Variants in PTPRD observed in about 807,000 individuals in gnomAD.
PTPRD encodes the protein receptor-type tyrosine-protein phosphatase delta.
PTPRD carries 34 observed loss-of-function variants against 214.5 expected under a neutral mutation model. The ratio of observed to expected loss-of-function variants is 0.16; its 90% CI spans 0.12 to 0.21. The LOEUF is 0.21. Ranked by LOEUF, PTPRD falls within the 10% of genes least tolerant of loss-of-function variation. The probability of loss-of-function intolerance (pLI) is 1.00; values close to 1 mark genes in which losing one functional copy is unlikely to be tolerated. For missense variants in PTPRD, 2,545 were observed against 2,398.7 expected (o/e 1.06, Z -1.27); for synonymous variants, 1,128 against 845.7 (o/e 1.33, Z -5.79).
chr9:9,265,424 T>C (rs1430807916), intron 9 of PTPRD, among the ~76,000 whole-genome samples: 3 of 151,504 alleles, frequency 2.0e-5, no homozygotes, highest in Admixed American at 6.6e-5. Context: ...TAGCGTTTTT[T>C]TGTTTTTGTT....
chr9:10,546,127 T>TA (rs1226896988), intron 2 of PTPRD, among the ~76,000 whole-genome samples: 2 of 152,094 alleles, frequency 1.3e-5, no homozygotes, highest in African/African-American at 4.8e-5. Context: ...ATTACTCTAT[T>TA]AGTGAGGGAT....
intron 11 of PTPRD, among the ~76,000 whole-genome samples, chr9:9,000,522 T>G (rs1446992137): frequency 6.6e-6 from 1 of 152,020 alleles, no homozygotes; most frequent in African/African-American, 2.4e-5. Flanking sequence ...TTTAAAAAAC[T>G]TGGCCTCTGC....
At chr9:8,636,912 T>G (rs981769135) in intron 12 of PTPRD, 68 bp from the exon 13 acceptor site, 1 of 1,511,164 alleles carries the variant, frequency 6.6e-7, no homozygotes, top group Non-Finnish European at 9.1e-7. Flanking sequence ...CTACTACCGC[T>G]GCTCTCCCCA....
intron 11 of PTPRD, among the ~76,000 whole-genome samples, chr9:8,740,832 T>C (rs774371587): frequency 1.3e-5 from 2 of 152,202 alleles, no homozygotes; most frequent in Non-Finnish European, 2.9e-5. Flanking sequence ...GCTTAGGCTA[T>C]GACTTAATAT....
rs77147281 is a variant in PTPRD, at chr9:9,536,452, G to A, written c.-237+38280C>T. On this transcript the variant is annotated intron_variant, in intron 8 of 45. Coordinates refer to ENST00000381196, the MANE Select transcript of PTPRD (RefSeq NM_002839.4). Reference sequence around the variant, plus strand: ...ATTATTTGCCTAAGAAACAGCATTTGGATGGCATGAATCTAATGGAATCAG... The same window carrying A: ...ATTATTTGCCTAAGAAACAGCATTTAGATGGCATGAATCTAATGGAATCAG... Among the ~76,000 whole-genome samples, 1,262 of 152,084 alleles carry A rather than the reference G, an allele frequency of 8.3e-3. 21 individuals are homozygous for A. Among genetic ancestry groups the A allele is most frequent in the African/African-American group, 0.028 (1,180 of 41,498 alleles).
At chr9:9,907,918 T>C (rs2078062442) in intron 5 of PTPRD, among the ~76,000 whole-genome samples, 1 of 151,990 alleles carries the variant, frequency 6.6e-6, no homozygotes, top group Non-Finnish European at 1.5e-5. Flanking sequence ...GGAAAACAGG[T>C]GTAACAACTC....
chr9:8,674,269 C>T (rs954712999), intron 12 of PTPRD, among the ~76,000 whole-genome samples: 1 of 151,902 alleles, frequency 6.6e-6, no homozygotes, highest in East Asian at 1.9e-4. Flanking sequence ...ACCATCCTGG[C>T]CAACATGGTG....
chr9:9,380,481 T>G (rs952676144), intron 9 of PTPRD, among the ~76,000 whole-genome samples: 11 of 152,148 alleles, frequency 7.2e-5, no homozygotes, highest in African/African-American at 2.7e-4. Context: ...GATCTCCTCA[T>G]ATTTTAGAAT....
At chr9:8,638,103 C>CTTTTTTTTTTTT (rs963311950) in intron 12 of PTPRD, among the ~76,000 whole-genome samples, 4 of 127,030 alleles carry the variant, frequency 3.1e-5, no homozygotes, top group African/African-American at 1.2e-4. Context: ...GCTGTTCCTT[C>CTTTTTTTTTTTT]TTTTTTTTTT....
intron 4 of PTPRD, among the ~76,000 whole-genome samples, chr9:9,990,071 CT>C (rs199744463): frequency 6.6e-6 from 1 of 152,186 alleles, no homozygotes; most frequent in East Asian, 1.9e-4. Flanking sequence ...GGACTTTCCT[CT>C]GAGCTATGCC....
chr9:9,241,824 G>T (rs2099970505), intron 9 of PTPRD, among the ~76,000 whole-genome samples: 1 of 151,554 alleles, frequency 6.6e-6, no homozygotes. Context: ...TCTTTTAATT[G>T]GAGCATTTAG....
intron 3 of PTPRD, among the ~76,000 whole-genome samples, chr9:10,209,965 C>A (rs2099508152): frequency 6.6e-6 from 1 of 151,960 alleles, no homozygotes; most frequent in African/African-American, 2.4e-5. Flanking sequence ...CAATCAGTAC[C>A]AAGAATCAAT....
chr9:10,602,926 C>T (rs1279905096), intron 2 of PTPRD, among the ~76,000 whole-genome samples: 1 of 151,938 alleles, frequency 6.6e-6, no homozygotes, highest in Non-Finnish European at 1.5e-5. Context: ...CCACCATGAG[C>T]TTATCTTCCC....
intron 5 of PTPRD, among the ~76,000 whole-genome samples, chr9:9,901,799 T>C (rs984068751): frequency 6.6e-6 from 1 of 152,098 alleles, no homozygotes; most frequent in African/African-American, 2.4e-5. Context: ...CTTACAATCA[T>C]GGCAGAAGGC....
At chr9:10,136,317 A>G (rs938694721) in intron 3 of PTPRD, among the ~76,000 whole-genome samples, 20 of 152,068 alleles carry the variant, frequency 1.3e-4, no homozygotes, top group African/African-American at 4.8e-4. Context: ...ACAGTGCTAG[A>G]TAGATCATCA....
At chr9:8,988,775 G>A (rs940888448) in intron 11 of PTPRD, among the ~76,000 whole-genome samples, 11 of 151,978 alleles carry the variant, frequency 7.2e-5, no homozygotes, top group Non-Finnish European at 1.3e-4. Flanking sequence ...ATTTGTCTGT[G>A]TTGTGGTGTT....
intron 5 of PTPRD, among the ~76,000 whole-genome samples, chr9:9,918,850 TGCA>T (rs1177727306): frequency 1.3e-5 from 2 of 152,178 alleles, no homozygotes; most frequent in Non-Finnish European, 2.9e-5. Context: ...GATAGCCACC[TGCA>T]GAAGAATTAG....
Position 8,486,129 on chromosome 9 carries a change from T to C in PTPRD, c.2688A>G (p.Ser896=). The C allele has an allele frequency of 6.2e-7, 1 of 1,614,222 alleles. No homozygotes were observed. The highest frequency in any genetic ancestry group is 8.5e-7 in the Non-Finnish European group (1 of 1,180,032). Residue 896 remains serine (S), a synonymous_variant, in exon 28 of 46, where the codon TCA becomes TCG. Transcript: ENST00000381196. ...HKGASYVFRL[S]ARNKVGFGEE... ...CCCCAAAGCCCACTTTGTTTCTGGC[T>C]GAGAGCCTGAAGACGTATGATGCTC...
intron 5 of PTPRD, among the ~76,000 whole-genome samples, chr9:9,772,665 T>C (rs985380931): frequency 6.6e-6 from 1 of 152,180 alleles, no homozygotes; most frequent in Non-Finnish European, 1.5e-5. Context: ...TATCTGTCTC[T>C]GATGATATCT....
Sources: gnomAD v4.1 joint callset for allele counts (sites outside exome capture counted in the v4.1 genomes callset) on GRCh38, gnomAD v4.1.1 for gene constraint, MANE v1.5 for transcripts, NCBI Gene and HGNC (gene_info 2026-07-23, HGNC 2026-07-21) for gene names.